Variants in PISD observed in about 807,000 individuals in gnomAD.
PISD encodes the protein phosphatidylserine decarboxylase proenzyme, mitochondrial.
Under a neutral mutation model 43.5 loss-of-function variants are expected in PISD, and 31 were observed. That is an observed-to-expected ratio of 0.71 (90% CI 0.54 to 0.96). PISD has a LOEUF of 0.96. PISD is among the 40% of genes least tolerant of loss of function. The pLI is 0.00. For synonymous variants in PISD, 259 were observed against 228.7 expected (o/e 1.13, Z -1.20); for missense variants, 523 against 548.4 (o/e 0.95, Z 0.46).
chr22:31,644,116 C>A (rs2073815180), intron 3 of PISD, among the ~76,000 whole-genome samples: 1 of 152,028 alleles, frequency 6.6e-6, no homozygotes, highest in Non-Finnish European at 1.5e-5. Flanking sequence ...GGCTCATCTG[C>A]CTTTGGTTCT....
intron 3 of PISD, among the ~76,000 whole-genome samples, chr22:31,641,593 T>C (rs2073729046): frequency 6.6e-6 from 1 of 151,568 alleles, no homozygotes; most frequent in Non-Finnish European, 1.5e-5. Context: ...GGTGGGCAGA[T>C]CACCTGAGGT....
chr22:31,654,680 T>A (rs1338797415), intron 1 of PISD, among the ~76,000 whole-genome samples: 2 of 152,170 alleles, frequency 1.3e-5, no homozygotes, highest in Admixed American at 6.6e-5. Context: ...TGTGAACCAA[T>A]GAAATCTGAG....
At chr22:31,656,393 G>C (rs1211411886) in intron 1 of PISD, among the ~76,000 whole-genome samples, 5 of 151,424 alleles carry the variant, frequency 3.3e-5, no homozygotes, top group Non-Finnish European at 5.9e-5. Context: ...ACGCCTATGA[G>C]AACTCCCAGC....
At chr22:31,649,677 G>A (rs180865237) in intron 2 of PISD, among the ~76,000 whole-genome samples, 57 of 151,936 alleles carry the variant, frequency 3.8e-4, no homozygotes, top group Non-Finnish European at 4.3e-4. Flanking sequence ...AGCTTGCAGT[G>A]AGCCGAGATC....
intron 3 of PISD, among the ~76,000 whole-genome samples, chr22:31,624,678 CA>C (rs2072780311): frequency 1.3e-5 from 2 of 151,038 alleles, no homozygotes; most frequent in Non-Finnish European, 3.0e-5. Context: ...CACACACACA[CA>C]CCCATCCCAA....
At chr22:31,623,891 G>A in intron 3 of PISD, 2 of 1,583,772 alleles carry the variant, frequency 1.3e-6, no homozygotes, top group Non-Finnish European at 1.7e-6. Flanking sequence ...CAGTGGCCAG[G>A]CTCTGGGCAG....
chr22:31,628,960 AACTTGCGCGGAGTG>A (rs758772480), intron 3 of PISD: 56 of 985,334 alleles, frequency 5.7e-5, no homozygotes, highest in Admixed American at 3.1e-4. Context: ...CAGGAACCCA[AACTTGCGCGGAGTG>A]ACCGGCCCTG....
chr22:31,644,083 G>C (rs1038984121), intron 3 of PISD, among the ~76,000 whole-genome samples: 3 of 151,722 alleles, frequency 2.0e-5, no homozygotes, highest in Admixed American at 6.6e-5. Context: ...AAAAACTGTA[G>C]CCCTGAAGGG....
chr22:31,628,286 G>A, intron 3 of PISD: 1 of 692,930 alleles, frequency 1.4e-6, no homozygotes, highest in Non-Finnish European at 1.8e-6. Flanking sequence ...TCCTTGGCCA[G>A]CAGTGTTTCT....
chr22:31,629,239 G>A lies in PISD; in HGVS notation c.322-7354C>T. Reference sequence around the variant, plus strand: ...CCTGCAAGATTGTTGTGCGTGAGGGGTAGGTGCATGTAGGTGGAAGTGTGT... The same window carrying A: ...CCTGCAAGATTGTTGTGCGTGAGGGATAGGTGCATGTAGGTGGAAGTGTGT... On this transcript the variant is annotated intron_variant, in intron 3 of 7. Coordinates refer to ENST00000439502, the MANE Select transcript of PISD (RefSeq NM_001326411.2). 3.0e-6 allele frequency: 3 copies of A among 985,108 alleles called. No individual in the cohort carries two copies. In the South Asian group the frequency reaches 1.4e-4, roughly 46 times the overall value. 61.0% of individuals were successfully genotyped at this position (985,108 alleles called of 1,614,324 possible). A position where few individuals can be genotyped will look rare whatever the true frequency, so the allele number is the denominator to read the frequency against.
chr22:31,657,175 C>T (rs1384771602), intron 1 of PISD, among the ~76,000 whole-genome samples: 4 of 152,002 alleles, frequency 2.6e-5, no homozygotes, highest in Non-Finnish European at 5.9e-5. Context: ...TTTGCTCTGT[C>T]GCCCAGGCTG....
chr22:31,661,217 T>C (rs911212354), intron 1 of PISD, among the ~76,000 whole-genome samples: 1 of 152,152 alleles, frequency 6.6e-6, no homozygotes, highest in African/African-American at 2.4e-5. Context: ...ACAAGACCAA[T>C]GATGGTTTCT....
At chr22:31,637,864 A>G (rs908109239) in intron 3 of PISD, among the ~76,000 whole-genome samples, 1 of 152,210 alleles carries the variant, frequency 6.6e-6, no homozygotes, top group African/African-American at 2.4e-5. Flanking sequence ...CGTCCTACAC[A>G]TTACAAGCTC....
At chr22:31,621,943 C>T (rs2072607703) in intron 3 of PISD, 58 bp from the exon 4 acceptor site, 3 of 1,275,822 alleles carry the variant, frequency 2.4e-6, no homozygotes, top group African/African-American at 1.5e-5. Flanking sequence ...CCAGAGAGCC[C>T]AAGTAGTGTC....
rs1397560206 is a variant in PISD at position 31,650,747 on chromosome 22, G to A, written c.97C>T (p.Gln33Ter). Reference protein sequence around the residue: ...LHPCEITALSQSLQPLRKLPF... With the variant: ...LHPCEITALS ...AGCTTCCGTAAGGGCTGTAGGGATT[G>A]GCTCAGGGCAGTGATCTCACAGGGA... is the stretch of plus-strand genomic sequence containing the variant. The change falls in exon 2 of 8, where the codon CAA (glutamine) becomes TAA (stop). Residue 33 changes from glutamine (Q) to a stop codon, truncating the protein, a stop_gained. Coordinates refer to ENST00000439502, the MANE Select transcript of PISD (RefSeq NM_001326411.2). LOFTEE classifies it high-confidence loss of function. 6.4e-7 allele frequency: 1 copy of A among 1,555,900 alleles called. No individual in the cohort carries two copies. The highest frequency in any genetic ancestry group is 8.7e-7 in the Non-Finnish European group (1 of 1,149,580).
intron 3 of PISD, among the ~76,000 whole-genome samples, chr22:31,645,307 A>G (rs1439214541): frequency 1.3e-5 from 2 of 151,392 alleles, no homozygotes; most frequent in Non-Finnish European, 2.9e-5. Context: ...CAGAAGGCTG[A>G]GGTGGGAGGA....
intron 3 of PISD, chr22:31,632,397 C>G (rs1486635864): frequency 5.8e-6 from 1 of 173,442 alleles, no homozygotes; most frequent in Non-Finnish European, 1.1e-5. Flanking sequence ...TTATACAAAG[C>G]TGCTCCTAAT....
intron 1 of PISD, among the ~76,000 whole-genome samples, chr22:31,654,074 T>C (rs2074103880): frequency 6.6e-6 from 1 of 152,166 alleles, no homozygotes; most frequent in Admixed American, 6.6e-5. Flanking sequence ...TCAGCCTCTC[T>C]TAGTCCCACT....
intron 3 of PISD, among the ~76,000 whole-genome samples, chr22:31,645,477 G>A (rs1198167253): frequency 6.6e-6 from 1 of 151,288 alleles, no homozygotes; most frequent in African/African-American, 2.4e-5. Flanking sequence ...GGCCGAGGTG[G>A]GCGGATCACC....
Sources: allele counts gnomAD v4.1 joint callset (sites outside exome capture counted in the v4.1 genomes callset), GRCh38; gene constraint gnomAD v4.1.1; transcripts MANE v1.5; gene names NCBI Gene and HGNC (gene_info 2026-07-23, HGNC 2026-07-21).